AFF1: variants seen among roughly 807,000 people sequenced by gnomAD.
AFF1 encodes AF4/FMR2 family member 1.
Under a neutral mutation model 121.7 loss-of-function variants are expected in AFF1, and 48 were observed. That is an observed-to-expected ratio of 0.39 (90% CI 0.31 to 0.50). The LOEUF is 0.50. AFF1 is among the 20% of genes least tolerant of loss of function. The pLI, the probability that AFF1 is intolerant of heterozygous loss-of-function variation, is 0.76. For synonymous variants in AFF1, 613 were observed against 563.0 expected (o/e 1.09, Z -1.26); for missense variants, 1,523 against 1,511.7 (o/e 1.01, Z -0.12).
chr4:86,948,913 TAAAC>T (rs1352097390), intron 2 of AFF1, among the ~76,000 whole-genome samples: 3 of 152,268 alleles, frequency 2.0e-5, no homozygotes, highest in East Asian at 1.9e-4. Context: ...TTGAAATAAA[TAAAC>T]AAATCCATCT....
At chr4:87,058,663 A>T (rs992394387) in intron 4 of AFF1, among the ~76,000 whole-genome samples, 27 of 152,176 alleles carry the variant, frequency 1.8e-4, no homozygotes, top group African/African-American at 6.3e-4. Context: ...GTCTATAGTT[A>T]CATTTAGGCC....
chr4:87,012,076 T>A (rs1726819856), intron 2 of AFF1, among the ~76,000 whole-genome samples: 1 of 152,224 alleles, frequency 6.6e-6, no homozygotes, highest in African/African-American at 2.4e-5. Context: ...CTTGGTTCTG[T>A]CATTTATTTC....
intron 2 of AFF1, among the ~76,000 whole-genome samples, chr4:86,969,651 CAGG>C (rs1462122825): frequency 8.0e-5 from 12 of 150,694 alleles, no homozygotes; most frequent in African/African-American, 2.9e-4. Context: ...GAGGCCGAGG[CAGG>C]CGGATCACGA....
chr4:86,983,897 C>T (rs1022171545), intron 2 of AFF1, among the ~76,000 whole-genome samples: 3 of 151,240 alleles, frequency 2.0e-5, no homozygotes, highest in African/African-American at 7.3e-5. Flanking sequence ...ATTAGCCAGG[C>T]GTGATGGTGG....
chr4:87,051,086 A>G (rs779504491), intron 4 of AFF1, among the ~76,000 whole-genome samples: 5 of 152,170 alleles, frequency 3.3e-5, no homozygotes, highest in Non-Finnish European at 5.9e-5. Flanking sequence ...ATACCAAATC[A>G]TATACTGAAT....
Position 87,126,434 on chromosome 4 carries a change from G to T in AFF1, c.2811+98G>T, listed in dbSNP as rs74741319. 3,791 of 1,150,850 alleles carry T rather than the reference G, an allele frequency of 3.3e-3. 94 individuals are homozygous for T. The African/African-American group carries it at 0.052, about 16-fold the overall frequency. The allele number at this position is 1,150,850 out of a possible 1,614,324, so 71.3% of individuals were successfully genotyped here. A position where few individuals can be genotyped will look rare whatever the true frequency, so the allele number is the denominator to read the frequency against. On this transcript the variant is annotated intron_variant, in intron 14 of 20. Transcript: ENST00000395146. ...TTGCTAGTGATGGCACTTCAGAACTGTCCATTGCTTTTAATGAGGCAACTG... is the reference window on the plus strand; with the variant it reads ...TTGCTAGTGATGGCACTTCAGAACTTTCCATTGCTTTTAATGAGGCAACTG...
At chr4:87,081,497 T>C (rs1723175717) in intron 4 of AFF1, among the ~76,000 whole-genome samples, 1 of 152,162 alleles carries the variant, frequency 6.6e-6, no homozygotes. Flanking sequence ...AGTATGTATG[T>C]TGAACATCTT....
intron 2 of AFF1, among the ~76,000 whole-genome samples, chr4:86,985,669 T>A (rs1000378617): frequency 1.3e-5 from 2 of 151,692 alleles, no homozygotes; most frequent in African/African-American, 4.8e-5. Flanking sequence ...AGAGCAAAAC[T>A]CCATCTTAGT....
At chr4:86,949,177 TATA>T (rs1484354070) in intron 2 of AFF1, among the ~76,000 whole-genome samples, 6 of 102,894 alleles carry the variant, frequency 5.8e-5, no homozygotes, top group African/African-American at 2.1e-4. Context: ...TATATATATA[TATA>T]TTTTTTTTTT....
chr4:87,049,508 A>G (rs1731060585), intron 4 of AFF1: 5 of 375,730 alleles, frequency 1.3e-5, no homozygotes, highest in South Asian at 2.0e-5. Context: ...ACATAGGACT[A>G]TGTTAATTGG....
chr4:87,027,137 A>C (rs181439084), intron 2 of AFF1, among the ~76,000 whole-genome samples: 2 of 152,224 alleles, frequency 1.3e-5, no homozygotes, highest in Non-Finnish European at 2.9e-5. Flanking sequence ...AAGGTGAATT[A>C]AGCCTTCACA....
intron 19 of AFF1, among the ~76,000 whole-genome samples, chr4:87,133,042 C>T (rs986650365): frequency 8.5e-5 from 13 of 152,184 alleles, no homozygotes; most frequent in Admixed American, 2.6e-4. Flanking sequence ...AAACAAGAGG[C>T]GGAGCCAACA....
chr4:87,048,697 G>C (rs1329165580), intron 4 of AFF1, among the ~76,000 whole-genome samples: 1 of 152,146 alleles, frequency 6.6e-6, no homozygotes, highest in Non-Finnish European at 1.5e-5. Flanking sequence ...TCTGGTGTCA[G>C]CTTCTGGTTT....
chr4:87,050,934 T>G (rs1271393394), intron 4 of AFF1, among the ~76,000 whole-genome samples: 1 of 152,236 alleles, frequency 6.6e-6, no homozygotes, highest in Non-Finnish European at 1.5e-5. Context: ...TGAGTGCTCA[T>G]GCACATGGAC....
intron 2 of AFF1, among the ~76,000 whole-genome samples, chr4:87,029,700 T>G (rs1728878355): frequency 6.6e-6 from 1 of 152,194 alleles, no homozygotes; most frequent in South Asian, 2.1e-4. Context: ...TATTTTATCC[T>G]CAAATTATAA....
intron 2 of AFF1, among the ~76,000 whole-genome samples, chr4:87,029,620 C>T (rs1728871435): frequency 6.6e-6 from 1 of 152,144 alleles, no homozygotes; most frequent in Admixed American, 6.5e-5. Context: ...CTTGGGAGTT[C>T]TTACTCCCAG....
chr4:87,111,219 G>A (rs1221306949), intron 11 of AFF1, among the ~76,000 whole-genome samples: 1 of 84,284 alleles, frequency 1.2e-5, no homozygotes, highest in Non-Finnish European at 2.6e-5. Flanking sequence ...GGGTTTCACC[G>A]TGTTAGCCAG....
intron 4 of AFF1, among the ~76,000 whole-genome samples, chr4:87,069,072 C>T (rs1721684053): frequency 2.0e-5 from 3 of 152,086 alleles, no homozygotes; most frequent in African/African-American, 7.2e-5. Context: ...CTTCCCCCTT[C>T]TCTTCTTTTC....
chr4:87,114,563 C>T lies in AFF1; in HGVS notation c.1730C>T (p.Ala577Val), dbSNP rs1726880873. Residue 577 changes from alanine (A) to valine (V), a missense_variant, in exon 12 of 21, where the codon GCC (alanine) becomes GTC (valine). Around this residue, in one of 5 missense-constraint regions of AFF1, gnomAD observed 905 missense variants for 842.5 expected, o/e 1.07. Coordinates refer to ENST00000395146, the MANE Select transcript of AFF1 (RefSeq NM_001166693.3). ...KDPPPKSSSK[A>V]PRAPPEAPHP... ...CCTCCCCCTAAAAGCTCCAGCAAAG[C>T]CCCCCGGGCCCCACCCGAAGCCCCC... 1.2e-6 allele frequency: 2 copies of T among 1,602,722 alleles called. No individual in the cohort carries two copies. The highest frequency in any genetic ancestry group is 1.3e-5 in the African/African-American group (1 of 74,270).
Sources: gnomAD v4.1 joint callset for allele counts (sites outside exome capture counted in the v4.1 genomes callset) on GRCh38, gnomAD v4.1.1 for gene constraint, gnomAD v4.1.1 regional missense constraint, MANE v1.5 for transcripts, NCBI Gene and HGNC (gene_info 2026-07-23, HGNC 2026-07-21) for gene names.